The following MCHR2 variants were observed in gnomAD, a reference collection of about 807,000 sequenced individuals.
MCHR2 encodes melanin concentrating hormone receptor 2.
A neutral mutation model predicts 24.8 loss-of-function variants in MCHR2; 15 were observed. The ratio of observed to expected loss-of-function variants is 0.60; its 90% CI spans 0.40 to 0.93. MCHR2 has a LOEUF of 0.93. Among genes scored for constraint, MCHR2 ranks in the 40% least tolerant of loss-of-function variants. The probability of loss-of-function intolerance (pLI) is 0.00; values close to 1 mark genes in which losing one functional copy is unlikely to be tolerated. For missense variants in MCHR2, 386 were observed against 408.7 expected (o/e 0.94, Z 0.48); for synonymous variants, 151 against 147.6 (o/e 1.02, Z -0.17).
intron 1 of MCHR2, among the ~76,000 whole-genome samples, chr6:99,977,471 A>G (rs890065103): frequency 6.6e-6 from 1 of 152,210 alleles, no homozygotes; most frequent in Non-Finnish European, 1.5e-5. Context: ...TTTTGATACC[A>G]TACGGAGTAG....
intron 4 of MCHR2, among the ~76,000 whole-genome samples, chr6:99,940,287 T>C (rs897628478): frequency 6.6e-6 from 1 of 152,104 alleles, no homozygotes; most frequent in African/African-American, 2.4e-5. Flanking sequence ...TTTTCATTCC[T>C]TTTTCTGACT....
chr6:99,968,521 A>C (rs1460364192), intron 1 of MCHR2, among the ~76,000 whole-genome samples: 1 of 152,236 alleles, frequency 6.6e-6, no homozygotes. Flanking sequence ...GAAGCTAGAC[A>C]GAAAAGACTA....
At chr6:99,929,413 G>C (rs141704954) in intron 5 of MCHR2, among the ~76,000 whole-genome samples, 2,912 of 152,228 alleles carry the variant, frequency 0.019, 32 homozygotes, top group Middle Eastern at 0.048. Flanking sequence ...CTGTCTCATT[G>C]ATCTGTCTAA....
chr6:99,992,485 G>T (rs991420159), intron 1 of MCHR2, among the ~76,000 whole-genome samples: 1 of 152,140 alleles, frequency 6.6e-6, no homozygotes, highest in African/African-American at 2.4e-5. Flanking sequence ...TTTGAGGAGA[G>T]CCAGGCTGAC....
intron 2 of MCHR2, among the ~76,000 whole-genome samples, chr6:99,948,182 G>A (rs1286342748): frequency 6.6e-6 from 1 of 152,110 alleles, no homozygotes; most frequent in Admixed American, 6.6e-5. Flanking sequence ...TTAAAAATAT[G>A]TCCACAAAAT....
intron 1 of MCHR2, among the ~76,000 whole-genome samples, chr6:99,962,242 G>A (rs746254801): frequency 3.3e-5 from 5 of 152,158 alleles, no homozygotes; most frequent in Admixed American, 6.6e-5. Flanking sequence ...CATATGCAGC[G>A]AGGATATGGT....
intron 1 of MCHR2, among the ~76,000 whole-genome samples, chr6:99,968,650 T>C (rs1192897069): frequency 6.6e-6 from 1 of 152,124 alleles, no homozygotes; most frequent in African/African-American, 2.4e-5. Context: ...TCAACATTTA[T>C]AAAATACTCT....
At chr6:99,938,027 AT>A (rs1336878231) in intron 4 of MCHR2, among the ~76,000 whole-genome samples, 1 of 151,452 alleles carries the variant, frequency 6.6e-6, no homozygotes, top group Non-Finnish European at 1.5e-5. Context: ...GACTCTTTGT[AT>A]TTCTGAGGTT....
intron 5 of MCHR2, among the ~76,000 whole-genome samples, chr6:99,932,265 A>G (rs1294169766): frequency 2.0e-5 from 3 of 152,218 alleles, no homozygotes; most frequent in Non-Finnish European, 4.4e-5. Context: ...TTATGACTCA[A>G]TGTGTGAAAG....
chr6:99,946,618 A>G (rs1774875490), intron 3 of MCHR2, among the ~76,000 whole-genome samples: 1 of 152,116 alleles, frequency 6.6e-6, no homozygotes, highest in African/African-American at 2.4e-5. Flanking sequence ...CACATTTATG[A>G]TATATTGGTG....
At chr6:99,948,154 A>C (rs1377588199) in intron 2 of MCHR2, among the ~76,000 whole-genome samples, 183 bp from the exon 3 acceptor site, 1 of 152,180 alleles carries the variant, frequency 6.6e-6, no homozygotes, top group Non-Finnish European at 1.5e-5. Flanking sequence ...TATTTATTTG[A>C]TAACTTACTG....
chr6:99,940,801 T>C (rs1774755651), intron 4 of MCHR2, among the ~76,000 whole-genome samples: 1 of 152,004 alleles, frequency 6.6e-6, no homozygotes, highest in Non-Finnish European at 1.5e-5. Flanking sequence ...TAGTGACCCA[T>C]CAGTCACTGG....
chr6:99,989,377 G>A (rs1037159922), intron 1 of MCHR2, among the ~76,000 whole-genome samples: 1 of 152,148 alleles, frequency 6.6e-6, no homozygotes, highest in Admixed American at 6.5e-5. Flanking sequence ...ACTGTGTTAA[G>A]TACCTTATGT....
At chr6:99,968,163 A>T (rs1358408775) in intron 1 of MCHR2, among the ~76,000 whole-genome samples, 4 of 152,144 alleles carry the variant, frequency 2.6e-5, no homozygotes, top group African/African-American at 7.2e-5. Flanking sequence ...GGGGTATGGA[A>T]CCCTGGGATG....
At chr6:99,931,633 C>T (rs1774543244) in intron 5 of MCHR2, among the ~76,000 whole-genome samples, 1 of 152,172 alleles carries the variant, frequency 6.6e-6, no homozygotes, top group African/African-American at 2.4e-5. Context: ...GCGTAGGACC[C>T]CCTGAGCCAT....
chr6:99,934,408 C>A lies in MCHR2; in HGVS notation c.697G>T (p.Asp233Tyr), dbSNP rs1318557739. ...YTWEMYQQNKDARCCNPSVPK... is the reference protein window; with the variant it reads ...YTWEMYQQNKYARCCNPSVPK... ...AAGGCAAACACTTACCATCTGGCAT[C>A]CTTATTCTGTTGATACATCTCCCAA... The change falls in exon 5 of 6, where the codon GAT (aspartate) becomes TAT (tyrosine). Residue 233 changes from aspartate to tyrosine, a missense_variant. Asp to Tyr is a radical substitution (Grantham distance 160). Transcript: ENST00000281806. 4 of 1,590,648 alleles carry A rather than the reference C, an allele frequency of 2.5e-6. No individual in the cohort carries two copies. The highest frequency in any genetic ancestry group is 2.6e-6 in the Non-Finnish European group (3 of 1,171,856).
At position 99,992,152 on chromosome 6, in the gene MCHR2, AG is replaced by A. The variant is rs372980258; in HGVS notation, c.-28+1783del. Among the ~76,000 whole-genome samples, 476 of 152,342 alleles carry A rather than the reference AG, an allele frequency of 3.1e-3. 3 individuals carry two copies. The highest frequency in any genetic ancestry group is 0.011 in the African/African-American group (447 of 41,588). On this transcript the variant is annotated intron_variant, in intron 1 of 5. Coordinates refer to ENST00000281806, the MANE Select transcript of MCHR2 (RefSeq NM_001040179.2). Reference sequence around the variant, plus strand: ...AAGGCAGAGGCATCCCGGCATCTTCAGGGCACAGGGACATTTTCCATCCCTT... The same window carrying A: ...AAGGCAGAGGCATCCCGGCATCTTCAGGCACAGGGACATTTTCCATCCCTT...
At chr6:99,937,502 T>C (rs1312536201) in intron 4 of MCHR2, among the ~76,000 whole-genome samples, 1 of 152,094 alleles carries the variant, frequency 6.6e-6, no homozygotes, top group East Asian at 1.9e-4. Flanking sequence ...ATGTGATGTA[T>C]CAAATTTATT....
chr6:99,921,452 C>T (rs914753273), intron 5 of MCHR2, among the ~76,000 whole-genome samples, 197 bp from the exon 6 acceptor site: 3 of 151,998 alleles, frequency 2.0e-5, no homozygotes, highest in African/African-American at 7.3e-5. Context: ...GTTTCCAAAG[C>T]TGGAACTTTT....
Sources: gnomAD v4.1 joint callset for allele counts (sites outside exome capture counted in the v4.1 genomes callset) on GRCh38, gnomAD v4.1.1 for gene constraint, MANE v1.5 for transcripts, NCBI Gene and HGNC (gene_info 2026-07-23, HGNC 2026-07-21) for gene names.